Variants in MICAL3 observed in about 807,000 individuals in gnomAD.
MICAL3 encodes the protein [F-actin]-monooxygenase MICAL3.
In MICAL3, 62 loss-of-function variants were observed where a neutral mutation model predicts 207.4. That is an observed-to-expected ratio of 0.30 (90% CI 0.24 to 0.37). The LOEUF (loss-of-function observed/expected upper bound fraction) is 0.37, where lower values mean the gene tolerates loss of function less well. Ranked by LOEUF, MICAL3 falls within the 10% of genes least tolerant of loss-of-function variation. The pLI, the probability that MICAL3 is intolerant of heterozygous loss-of-function variation, is 1.00. For missense variants in MICAL3, 2,368 were observed against 2,635.6 expected, an observed-to-expected ratio of 0.90 and a Z score of 2.22; for synonymous variants, 1,077 against 1,069.3, an observed-to-expected ratio of 1.01 and a Z score of -0.14.
At chr22:17,966,040 ATG>A (rs1203723890) in intron 1 of MICAL3, among the ~76,000 whole-genome samples, 2 of 152,232 alleles carry the variant, frequency 1.3e-5, no homozygotes, top group Non-Finnish European at 2.9e-5. Context: ...GTCAACACAC[ATG>A]AACTAGAGAG....
In MICAL3 at chr22:17,997,050, C is replaced by CTTTTTTT. The variant is rs71716810; in HGVS notation, c.-75+27224_-75+27230dup. Among the ~76,000 whole-genome samples, 20 of 75,550 alleles carry CTTTTTTT rather than the reference C, an allele frequency of 2.6e-4. 1 individual carries two copies. Among genetic ancestry groups the CTTTTTTT allele is most frequent in the Non-Finnish European group, 4.0e-4 (17 of 42,636 alleles). 49.6% of individuals were successfully genotyped at this position (75,550 alleles called of 152,430 possible). A position where few individuals can be genotyped will look rare whatever the true frequency, so the allele number is the denominator to read the frequency against. On this transcript the variant is annotated intron_variant, in intron 1 of 31. Coordinates refer to ENST00000441493, the MANE Select transcript of MICAL3 (RefSeq NM_015241.3). ...TCTGTCCCTCATCTCCCCATCTAGTCTTTTTTTTTTTTTTTTTTTTTTTGA... is the reference window on the plus strand; with the variant it reads ...TCTGTCCCTCATCTCCCCATCTAGTCTTTTTTTTTTTTTTTTTTTTTTTTTTTTTTGA...
At chr22:17,989,262 C>A (rs1474906265) in intron 1 of MICAL3, among the ~76,000 whole-genome samples, 1 of 152,166 alleles carries the variant, frequency 6.6e-6, no homozygotes, top group African/African-American at 2.4e-5. Context: ...AAGCCTGCCG[C>A]TACCTTACCT....
intron 1 of MICAL3, among the ~76,000 whole-genome samples, chr22:17,960,220 T>A (rs1298213673): frequency 1.3e-5 from 2 of 152,226 alleles, no homozygotes; most frequent in Non-Finnish European, 2.9e-5. Context: ...CTGTTCTCAC[T>A]ACACTGTTGC....
rs190828415 is a variant in MICAL3, at chr22:17,817,545, G to C, written c.5116C>G (p.Arg1706Gly). ...GACTTCTTCTCCTTCTTGTTTCTGC[G>C]GGGGGAGAAGAGTGACGACCTCTTC... ...SKKRSSLFSP[R>G]RNKKEKKSKG... is the part of the protein sequence containing the mutation. Residue 1706 changes from arginine to glycine, a missense_variant, in exon 26 of 32, where the codon CGC becomes GGC. This residue lies in a region of MICAL3 where 1,770 missense variants were observed against 1,863.2 expected (regional missense o/e 0.95). Transcript: ENST00000441493. 3 of 1,613,394 alleles carry C rather than the reference G, an allele frequency of 1.9e-6. No individual in the cohort carries two copies. The highest frequency in any genetic ancestry group is 2.2e-5 in the South Asian group (2 of 91,028).
intron 1 of MICAL3, among the ~76,000 whole-genome samples, chr22:17,981,863 C>G (rs1935922196): frequency 6.6e-6 from 1 of 152,166 alleles, no homozygotes; most frequent in African/African-American, 2.4e-5. Context: ...GTAGCCCACA[C>G]CTGCTGAGGT....
At chr22:17,881,955 T>C (rs969008695) in intron 16 of MICAL3, among the ~76,000 whole-genome samples, 1 of 152,150 alleles carries the variant, frequency 6.6e-6, no homozygotes, top group Non-Finnish European at 1.5e-5. Flanking sequence ...AAGCCGCTGG[T>C]ATTTGAGAAA....
intron 16 of MICAL3, among the ~76,000 whole-genome samples, chr22:17,880,501 G>A (rs1036886219): frequency 1.3e-5 from 2 of 152,304 alleles, no homozygotes; most frequent in African/African-American, 2.4e-5. Flanking sequence ...ACGTTAATAC[G>A]GTCACACTTT....
intron 1 of MICAL3, among the ~76,000 whole-genome samples, chr22:18,000,720 G>A (rs1372288522): frequency 1.3e-5 from 2 of 152,242 alleles, no homozygotes; most frequent in South Asian, 2.1e-4. Context: ...TGAGACTAGA[G>A]GCGAAGGCGG....
intron 1 of MICAL3, among the ~76,000 whole-genome samples, chr22:17,990,547 G>C (rs936893958): frequency 4.6e-5 from 7 of 152,164 alleles, no homozygotes; most frequent in Admixed American, 1.3e-4. Flanking sequence ...TGAGGAAACT[G>C]AGTCTCGGGA....
At position 17,817,583 on chromosome 22, in the gene MICAL3, C is replaced by A. The variant is rs749902831; in HGVS notation, c.5078G>T (p.Ser1693Ile). ...TGACGACCTCTTCTTGCTCTTCCCA[C>A]TGGAGCCCTCGGATGAAGTGAAAGA... ...DGSFTSSEGSSGKSKKRSSLF... is the reference protein window; with the variant it reads ...DGSFTSSEGSIGKSKKRSSLF... The change falls in exon 26 of 32, where the codon AGT becomes ATT. Residue 1693 changes from serine (S) to isoleucine (I), a missense_variant. Ser to Ile is a moderately radical substitution (Grantham distance 142). This residue lies in a region of MICAL3 where 1,770 missense variants were observed against 1,863.2 expected (regional missense o/e 0.95). Transcript: ENST00000441493. 3 of 1,613,416 alleles carry A rather than the reference C, an allele frequency of 1.9e-6. No individual in the cohort carries two copies. In the East Asian group the frequency reaches 6.7e-5, roughly 36 times the overall value.
rs576033252 is a variant in MICAL3 at position 17,862,416 on chromosome 22, C to T, written c.2605+2483G>A. 178 of 463,410 alleles carry T rather than the reference C, an allele frequency of 3.8e-4. 1 individual carries two copies. Among genetic ancestry groups the T allele is most frequent in the African/African-American group, 3.5e-3 (167 of 47,244 alleles). 28.7% of individuals were successfully genotyped at this position (463,410 alleles called of 1,614,324 possible). ...ACTACAGGCATCCGCCACCACACCA[C>T]ACCCGGCTAATTTTTTTGTATTTTT... On this transcript the variant is annotated intron_variant, in intron 19 of 31. Transcript: ENST00000441493.
intron 1 of MICAL3, among the ~76,000 whole-genome samples, chr22:17,965,920 T>C (rs534340181): frequency 1.2e-4 from 19 of 152,030 alleles, no homozygotes; most frequent in Middle Eastern, 3.4e-3. Context: ...CACTCGAGGG[T>C]GGTCTGACCA....
Position 17,900,093 on chromosome 22 carries a change from C to A in MICAL3, c.848-545G>T, listed in dbSNP as rs751815399. Among the ~76,000 whole-genome samples, 3 of 152,204 alleles carry A rather than the reference C, an allele frequency of 2.0e-5. No individual in the cohort carries two copies. The highest frequency in any genetic ancestry group is 7.2e-5 in the African/African-American group (3 of 41,458). On this transcript the variant is annotated intron_variant, in intron 6 of 31. Coordinates refer to ENST00000441493, the MANE Select transcript of MICAL3 (RefSeq NM_015241.3). The surrounding 1 kb of genome is among the most constrained non-coding windows in gnomAD (Gnocchi z 4.0). The stretch of plus-strand genomic sequence containing the variant: ...GATCTATTCAAAACCTATCATACAA[C>A]AATCTCATCGCTATCTGACACACGG...
intron 29 of MICAL3, among the ~76,000 whole-genome samples, chr22:17,795,550 C>T (rs950252902): frequency 2.6e-5 from 4 of 152,210 alleles, no homozygotes; most frequent in Non-Finnish European, 4.4e-5. Context: ...CATCCTCATA[C>T]GCCCTTCCCA....
intron 7 of MICAL3, 123 bp from the exon 8 acceptor site, chr22:17,897,104 A>G: frequency 9.7e-7 from 1 of 1,029,800 alleles, no homozygotes; most frequent in Non-Finnish European, 1.4e-6. Flanking sequence ...TCCAAAACCA[A>G]AACTTTTATA....
chr22:17,941,046 G>A (rs1245514119), intron 1 of MICAL3, among the ~76,000 whole-genome samples: 1 of 152,138 alleles, frequency 6.6e-6, no homozygotes, highest in Non-Finnish European at 1.5e-5. Context: ...GCTCAGTTAT[G>A]CCTAGGCCAC....
At chr22:17,822,569 G>A (rs1170845034) in intron 23 of MICAL3, among the ~76,000 whole-genome samples, 1 of 152,134 alleles carries the variant, frequency 6.6e-6, no homozygotes, top group African/African-American at 2.4e-5. Context: ...TGAGGCCTGC[G>A]CCCCCTCGCA....
intron 29 of MICAL3, among the ~76,000 whole-genome samples, chr22:17,802,642 C>T (rs772257501): frequency 2.6e-5 from 4 of 152,080 alleles, no homozygotes; most frequent in African/African-American, 9.7e-5. Flanking sequence ...CCGCCTTGGA[C>T]GTGGCACTGT....
intron 19 of MICAL3, among the ~76,000 whole-genome samples, chr22:17,858,679 CA>C (rs1052089787): frequency 5.9e-5 from 9 of 152,154 alleles, no homozygotes; most frequent in African/African-American, 2.2e-4. Context: ...GGGAAACTGA[CA>C]GGGAATTTAT....
Sources: gnomAD v4.1 joint callset for allele counts (sites outside exome capture counted in the v4.1 genomes callset) on GRCh38, gnomAD v4.1.1 for gene constraint, gnomAD v4.1.1 regional missense constraint, Gnocchi (gnomAD v3.1) non-coding constraint, MANE v1.5 for transcripts, NCBI Gene and HGNC (gene_info 2026-07-23, HGNC 2026-07-21) for gene names.